FAM184B: variants seen among roughly 807,000 people sequenced by gnomAD.
The protein encoded by FAM184B is protein FAM184B.
A neutral mutation model predicts 135.9 loss-of-function variants in FAM184B; 111 were observed. That is an observed-to-expected ratio of 0.82 (90% CI 0.70 to 0.96). The LOEUF (loss-of-function observed/expected upper bound fraction) is 0.96, where lower values mean the gene tolerates loss of function less well. FAM184B is among the 40% of genes least tolerant of loss of function. The pLI, the probability that FAM184B is intolerant of heterozygous loss-of-function variation, is 0.00. For missense variants in FAM184B, 1,375 were observed against 1,323.9 expected, an observed-to-expected ratio of 1.04 and a Z score of -0.60; for synonymous variants, 552 against 524.8, an observed-to-expected ratio of 1.05 and a Z score of -0.71.
At chr4:17,768,743 A>T (rs946181782) in intron 1 of FAM184B, among the ~76,000 whole-genome samples, 3 of 152,126 alleles carry the variant, frequency 2.0e-5, no homozygotes, top group African/African-American at 7.2e-5. Context: ...GAGGTCCACA[A>T]GATAAGGGAT....
chr4:17,677,614 C>A (rs1429507097), intron 7 of FAM184B, among the ~76,000 whole-genome samples: 1 of 152,118 alleles, frequency 6.6e-6, no homozygotes, highest in African/African-American at 2.4e-5. Flanking sequence ...TCATATTAAT[C>A]CTATTGACAC....
intron 6 of FAM184B, 27 bp downstream of exon 6, chr4:17,693,275 C>T (rs1465041289): frequency 3.3e-6 from 5 of 1,523,400 alleles, no homozygotes; most frequent in Non-Finnish European, 4.5e-6. Context: ...AACAGCACCC[C>T]AAGGCTTGCA....
intron 1 of FAM184B, among the ~76,000 whole-genome samples, chr4:17,747,910 G>A (rs1211908424): frequency 1.0e-5 from 1 of 95,802 alleles, no homozygotes; most frequent in Non-Finnish European, 1.9e-5. Flanking sequence ...GACAGAGCGA[G>A]ACTCTGTCTC....
chr4:17,744,305 A>C (rs1329774272), intron 1 of FAM184B, among the ~76,000 whole-genome samples: 3 of 152,206 alleles, frequency 2.0e-5, no homozygotes, highest in Middle Eastern at 6.8e-3. Flanking sequence ...GCGAATTATG[A>C]GCCATCCTAG....
intron 8 of FAM184B, among the ~76,000 whole-genome samples, chr4:17,663,604 A>G (rs1384255227): frequency 1.2e-5 from 1 of 83,054 alleles, no homozygotes; most frequent in South Asian, 6.2e-4. Context: ...CAGGAACACA[A>G]TCCCATTCAC....
intron 8 of FAM184B, among the ~76,000 whole-genome samples, chr4:17,661,824 G>A (rs1387144389): frequency 6.6e-6 from 1 of 152,186 alleles, no homozygotes. Context: ...TCCCAGGAGA[G>A]GGGAGGGGGC....
intron 8 of FAM184B, among the ~76,000 whole-genome samples, chr4:17,663,239 A>G (rs959084217): frequency 6.6e-6 from 1 of 152,164 alleles, no homozygotes. Flanking sequence ...GCCCGGCCTC[A>G]CATATATCTT....
At position 17,631,574 on chromosome 4, in the gene FAM184B, T is replaced by C. The variant is rs2108922986; in HGVS notation, c.*958A>G. ...TATAACTGGGCTAGGATTGGTTATT[T>C]ACAGAAAAACCTTGTGGTACTTAAT... On this transcript the variant is annotated 3_prime_UTR_variant, in exon 18 of 18. Coordinates refer to ENST00000265018, the MANE Select transcript of FAM184B (RefSeq NM_015688.2). 1 of 152,298 alleles carries C rather than the reference T, an allele frequency of 6.6e-6. No homozygotes were observed. Among genetic ancestry groups the C allele is most frequent in the Non-Finnish European group, 1.5e-5 (1 of 68,034 alleles). The allele number at this position is 152,298 out of a possible 1,614,324, so 9.4% of individuals were successfully genotyped here. A position where few individuals can be genotyped will look rare whatever the true frequency, so the allele number is the denominator to read the frequency against.
intron 12 of FAM184B, among the ~76,000 whole-genome samples, chr4:17,646,575 TGTTGTGGGGTGGGG>T (rs1190051179): frequency 1.3e-5 from 2 of 151,328 alleles, no homozygotes; most frequent in Non-Finnish European, 2.9e-5. Context: ...CACCGGGGAC[TGTTGTGGGGTGGGG>T]GTAGTGGGGA....
At chr4:17,694,959 C>T (rs922638276) in intron 5 of FAM184B, among the ~76,000 whole-genome samples, 4 of 151,424 alleles carry the variant, frequency 2.6e-5, no homozygotes, top group African/African-American at 9.7e-5. Flanking sequence ...AGGGAGTTCA[C>T]CAAGGAGATA....
chr4:17,721,406 A>AAAAAAAAAAAAAAAACC (rs1560185395), intron 1 of FAM184B, among the ~76,000 whole-genome samples: 1 of 143,300 alleles, frequency 7.0e-6, no homozygotes, highest in Non-Finnish European at 1.5e-5. Context: ...AAAAAAAAAA[A>AAAAAAAAAAAAAAAACC]TCTCTTTGCC....
chr4:17,722,599 C>T (rs1717554286), intron 1 of FAM184B, among the ~76,000 whole-genome samples: 1 of 152,184 alleles, frequency 6.6e-6, no homozygotes, highest in South Asian at 2.1e-4. Flanking sequence ...TAGGCTGAGA[C>T]TTAGCTGAAA....
chr4:17,637,599 G>A (rs935084190), intron 14 of FAM184B, among the ~76,000 whole-genome samples: 15 of 152,238 alleles, frequency 9.9e-5, no homozygotes, highest in African/African-American at 4.8e-5. Flanking sequence ...CTGGCATATA[G>A]TAAGTGCCCG....
At chr4:17,765,977 C>A (rs1379569392) in intron 1 of FAM184B, among the ~76,000 whole-genome samples, 1 of 152,074 alleles carries the variant, frequency 6.6e-6, no homozygotes, top group African/African-American at 2.4e-5. Context: ...GTTATTCATT[C>A]CCCCCGGCAG....
chr4:17,657,637 C>G (rs760942400), intron 10 of FAM184B, among the ~76,000 whole-genome samples: 1 of 143,736 alleles, frequency 7.0e-6, no homozygotes, highest in Non-Finnish European at 1.5e-5. Context: ...TTGGAAAGGT[C>G]TTTGTGGCTG....
chr4:17,765,643 G>C (rs1168839162), intron 1 of FAM184B, among the ~76,000 whole-genome samples: 1 of 152,194 alleles, frequency 6.6e-6, no homozygotes, highest in Admixed American at 6.5e-5. Context: ...TCTCTCTGCT[G>C]ACACTGCCAC....
chr4:17,707,393 G>A (rs1280429443), intron 3 of FAM184B, among the ~76,000 whole-genome samples: 3 of 152,194 alleles, frequency 2.0e-5, no homozygotes, highest in Admixed American at 2.0e-4. Context: ...AGCCTGGTGG[G>A]GAAATATCTG....
intron 1 of FAM184B, among the ~76,000 whole-genome samples, chr4:17,773,289 G>A (rs1718858351): frequency 6.6e-6 from 1 of 152,190 alleles, no homozygotes; most frequent in Non-Finnish European, 1.5e-5. Flanking sequence ...CTAAAGAATC[G>A]TAAGGTGTTC....
chr4:17,742,299 T>A (rs1397349814), intron 1 of FAM184B, among the ~76,000 whole-genome samples: 1 of 151,500 alleles, frequency 6.6e-6, no homozygotes, highest in Non-Finnish European at 1.5e-5. Context: ...AAGACCCCCA[T>A]CTCTACAAAA....
Sources: allele counts gnomAD v4.1 joint callset (sites outside exome capture counted in the v4.1 genomes callset), GRCh38; gene constraint gnomAD v4.1.1; transcripts MANE v1.5; gene names NCBI Gene and HGNC (gene_info 2026-07-23, HGNC 2026-07-21).